Variants in KLHL2 observed in about 807,000 individuals in gnomAD.
The protein encoded by KLHL2 is kelch like family member 2.
Under a neutral mutation model 75.8 loss-of-function variants are expected in KLHL2, and 15 were observed. The ratio of observed to expected loss-of-function variants is 0.20; its 90% CI spans 0.13 to 0.30. KLHL2 has a LOEUF of 0.30. KLHL2 is among the 10% of genes least tolerant of loss of function. The pLI, the probability that KLHL2 is intolerant of heterozygous loss-of-function variation, is 1.00. For missense variants in KLHL2, 381 were observed against 741.0 expected (o/e 0.51, Z 5.64); for synonymous variants, 214 against 251.9 (o/e 0.85, Z 1.42).
In KLHL2 at chr4:165,249,606, C is replaced by G. The variant is rs181200912; in HGVS notation, c.381+10707C>G. Among the ~76,000 whole-genome samples the G allele has an allele frequency of 3.8e-4, 58 of 152,268 alleles. No homozygotes were observed. In the East Asian group the frequency reaches 0.011, roughly 29 times the overall value. On this transcript the variant is annotated intron_variant, in intron 4 of 14. Transcript: ENST00000226725. ...TTTCATGGTACTGGGAAAACTCTGA[C>G]AAATAATTGCTCTTTGGATAACCCA...
chr4:165,251,690 A>G (rs959239257), intron 4 of KLHL2, among the ~76,000 whole-genome samples: 1 of 148,522 alleles, frequency 6.7e-6, no homozygotes, highest in African/African-American at 2.5e-5. Flanking sequence ...GCTCACTGCA[A>G]GCTCCGCCTC....
At chr4:165,284,612 T>C (rs1443570611) in intron 5 of KLHL2, among the ~76,000 whole-genome samples, 1 of 152,198 alleles carries the variant, frequency 6.6e-6, no homozygotes, top group African/African-American at 2.4e-5. Flanking sequence ...CTCACATTTT[T>C]CTGTCATCTT....
At chr4:165,255,149 G>C (rs1324039952) in intron 4 of KLHL2, among the ~76,000 whole-genome samples, 1 of 152,252 alleles carries the variant, frequency 6.6e-6, no homozygotes, top group Middle Eastern at 3.2e-3. Flanking sequence ...AAAAAGGATA[G>C]TGTAGGAGAG....
intron 4 of KLHL2, among the ~76,000 whole-genome samples, chr4:165,256,529 C>T (rs927007256): frequency 6.6e-6 from 1 of 152,272 alleles, no homozygotes; most frequent in Non-Finnish European, 1.5e-5. Flanking sequence ...TTTCAACACG[C>T]CAAAGTGAGG....
At chr4:165,284,195 T>C (rs1743911734) in intron 5 of KLHL2, among the ~76,000 whole-genome samples, 1 of 152,246 alleles carries the variant, frequency 6.6e-6, no homozygotes. Context: ...CCTTGTAACT[T>C]ATGCAAATTT....
chr4:165,310,469 T>C, intron 9 of KLHL2, 84 bp from the exon 10 acceptor site: 1 of 1,132,626 alleles, frequency 8.8e-7, no homozygotes, highest in Non-Finnish European at 1.3e-6. Flanking sequence ...TGACAACAGC[T>C]ATAGATTTAT....
At chr4:165,298,671 A>C (rs1458089652) in intron 7 of KLHL2, among the ~76,000 whole-genome samples, 3 of 151,952 alleles carry the variant, frequency 2.0e-5, no homozygotes, top group Non-Finnish European at 2.9e-5. Context: ...GGGTGCGGTC[A>C]GTGGCTCACG....
intron 3 of KLHL2, among the ~76,000 whole-genome samples, chr4:165,231,561 T>C (rs777171021): frequency 6.6e-6 from 1 of 152,252 alleles, no homozygotes; most frequent in African/African-American, 2.4e-5. Flanking sequence ...GTTTTTGAGG[T>C]TCATCCGTGT....
intron 1 of KLHL2, among the ~76,000 whole-genome samples, chr4:165,218,983 A>G (rs1329494899): frequency 6.6e-6 from 1 of 152,188 alleles, no homozygotes; most frequent in East Asian, 1.9e-4. Flanking sequence ...CAATCTAATG[A>G]TTTTTATTAA....
intron 5 of KLHL2, among the ~76,000 whole-genome samples, chr4:165,265,788 C>T (rs920977793): frequency 1.4e-4 from 22 of 152,082 alleles, no homozygotes; most frequent in African/African-American, 3.9e-4. Context: ...AACATGTGTG[C>T]GTGTGTCTTT....
At chr4:165,320,668 G>T (rs754958730) in intron 14 of KLHL2, among the ~76,000 whole-genome samples, 20 of 152,152 alleles carry the variant, frequency 1.3e-4, no homozygotes, top group Non-Finnish European at 2.6e-4. Context: ...TTACACCATT[G>T]AATATATCAT....
chr4:165,231,080 G>A (rs896128238), intron 3 of KLHL2, among the ~76,000 whole-genome samples: 14 of 152,112 alleles, frequency 9.2e-5, no homozygotes, highest in African/African-American at 2.9e-4. Context: ...TTAATTTCTG[G>A]CACATATACA....
At chr4:165,246,692 G>A (rs931709852) in intron 4 of KLHL2, among the ~76,000 whole-genome samples, 9 of 152,218 alleles carry the variant, frequency 5.9e-5, no homozygotes, top group African/African-American at 1.4e-4. Flanking sequence ...GTCTGAGATG[G>A]TGAAGACATG....
rs1737420943 is a variant in KLHL2, at chr4:165,214,749, G to A, written c.27-5185G>A. 2.0e-5 allele frequency among the ~76,000 whole-genome samples: 3 copies of A among 152,124 alleles called. No homozygotes were observed. The South Asian group carries it at 6.2e-4, about 31-fold the overall frequency. On this transcript the variant is annotated intron_variant, in intron 1 of 14. Transcript: ENST00000226725. ...TTAACTGCTAATATATTTTAGTAAA[G>A]TTTGGCAATTCAAGCTTTTCTAGAT...
chr4:165,316,353 A>G (rs1746588855), intron 13 of KLHL2, among the ~76,000 whole-genome samples: 1 of 152,182 alleles, frequency 6.6e-6, no homozygotes, highest in Admixed American at 6.5e-5. Context: ...TTGTCCATCA[A>G]TAGGCTGAAA....
chr4:165,303,357 A>G (rs1745474669), intron 8 of KLHL2, among the ~76,000 whole-genome samples: 1 of 152,156 alleles, frequency 6.6e-6, no homozygotes, highest in Admixed American at 6.5e-5. Flanking sequence ...AAATTTTAGA[A>G]AAATTGGTCT....
chr4:165,313,980 T>C (rs746074247), intron 12 of KLHL2, 46 bp from the exon 13 acceptor site: 2 of 1,578,180 alleles, frequency 1.3e-6, no homozygotes, highest in African/African-American at 1.4e-5. Context: ...ATGATATAAA[T>C]CTCTTGTTCT....
intron 2 of KLHL2, among the ~76,000 whole-genome samples, chr4:165,225,123 A>C (rs1444926646): frequency 6.6e-6 from 1 of 152,098 alleles, no homozygotes; most frequent in Non-Finnish European, 1.5e-5. Context: ...TTTATTTAGG[A>C]GATGGAGTGC....
At chr4:165,268,812 G>C (rs1376407882) in intron 5 of KLHL2, among the ~76,000 whole-genome samples, 1 of 152,210 alleles carries the variant, frequency 6.6e-6, no homozygotes, top group Non-Finnish European at 1.5e-5. Context: ...GGAGAGTTCT[G>C]TAGATGTCTA....
Sources: gnomAD v4.1 joint callset for allele counts (sites outside exome capture counted in the v4.1 genomes callset) on GRCh38, gnomAD v4.1.1 for gene constraint, MANE v1.5 for transcripts, NCBI Gene and HGNC (gene_info 2026-07-23, HGNC 2026-07-21) for gene names.